Variants in UNC79 observed in about 807,000 individuals in gnomAD.
The protein encoded by UNC79 is protein unc-79 homolog.
UNC79 carries 37 observed loss-of-function variants against 283.1 expected under a neutral mutation model. The ratio of observed to expected loss-of-function variants is 0.13; its 90% CI spans 0.10 to 0.17. UNC79 has a LOEUF of 0.17. UNC79 is among the 10% of genes least tolerant of loss of function. UNC79 has a pLI of 1.00. For synonymous variants in UNC79, 1,107 were observed against 1,200.2 expected, an observed-to-expected ratio of 0.92 and a Z score of 1.61; for missense variants, 2,272 against 3,211.1, an observed-to-expected ratio of 0.71 and a Z score of 7.07.
intron 1 of UNC79, among the ~76,000 whole-genome samples, chr14:93,376,219 T>A (rs2054555481): frequency 6.6e-6 from 1 of 152,230 alleles, no homozygotes; most frequent in Admixed American, 6.5e-5. Flanking sequence ...CAACAATAGA[T>A]AACCAGAGGC....
intron 30 of UNC79, among the ~76,000 whole-genome samples, chr14:93,627,590 G>A (rs973695262): frequency 2.0e-5 from 3 of 152,134 alleles, no homozygotes; most frequent in African/African-American, 7.2e-5. Context: ...TGTTGCACAG[G>A]CACTTTCCAA....
chr14:93,682,522 A>G lies in UNC79; in HGVS notation c.6742-95A>G. ...CCAAGGCAGATCGTCATGAAAATAA[A>G]CACTAATTAATTTAAGCCAAGTTAA... On this transcript the variant is annotated intron_variant, in intron 41 of 48. Coordinates refer to ENST00000555664, the Ensembl canonical transcript of UNC79. 4 of 1,067,398 alleles carry G rather than the reference A, an allele frequency of 3.7e-6. No homozygotes were observed. The Middle Eastern group carries it at 6.2e-4, about 165-fold the overall frequency. The allele number at this position is 1,067,398 out of a possible 1,614,324, so 66.1% of individuals were successfully genotyped here.
intron 35 of UNC79, 69 bp from the exon 39 acceptor site, chr14:93,653,673 T>C (rs2070567881): frequency 7.1e-7 from 1 of 1,410,488 alleles, no homozygotes. Context: ...GTCTGAACTC[T>C]AAGTAAATAT....
intron 1 of UNC79, among the ~76,000 whole-genome samples, chr14:93,392,106 A>G (rs1009784781): frequency 1.3e-5 from 2 of 152,226 alleles, no homozygotes; most frequent in Admixed American, 6.5e-5. Flanking sequence ...ATATCCACAT[A>G]TGCAATGGGA....
chr14:93,453,915 A>G (rs1420675586), intron 1 of UNC79, among the ~76,000 whole-genome samples: 2 of 152,230 alleles, frequency 1.3e-5, no homozygotes, highest in African/African-American at 2.4e-5. Context: ...TGCAATAGAA[A>G]CTGGAACAGA....
chr14:93,634,696 G>C (rs2068358776), intron 31 of UNC79, 59 bp downstream of exon 34: 1 of 1,414,546 alleles, frequency 7.1e-7, no homozygotes, highest in African/African-American at 1.4e-5. Flanking sequence ...TACTTTCTCT[G>C]TGTCCACTCT....
intron 1 of UNC79, chr14:93,397,130 T>G (rs904857609): frequency 6.6e-6 from 1 of 152,132 alleles, no homozygotes; most frequent in Non-Finnish European, 1.5e-5. Context: ...TTATTTTTTA[T>G]TTTATTTTTA....
intron 40 of UNC79, among the ~76,000 whole-genome samples, chr14:93,666,328 T>C (rs144158345): frequency 6.6e-6 from 1 of 152,116 alleles, no homozygotes; most frequent in Non-Finnish European, 1.5e-5. Flanking sequence ...ACAATAAATA[T>C]AAGTTTACTA....
intron 1 of UNC79, among the ~76,000 whole-genome samples, chr14:93,349,530 A>G (rs1173852306): frequency 1.3e-5 from 2 of 151,960 alleles, no homozygotes; most frequent in Non-Finnish European, 2.9e-5. Flanking sequence ...CCCCTTCCCC[A>G]CTTAAGTTTT....
At chr14:93,407,677 A>G (rs933732195) in intron 1 of UNC79, among the ~76,000 whole-genome samples, 4 of 152,340 alleles carry the variant, frequency 2.6e-5, no homozygotes, top group Non-Finnish European at 5.9e-5. Context: ...GGGGAAAAAA[A>G]GGTAAGAAAC....
In UNC79 at chr14:93,430,869, GC is replaced by G. The variant is rs1473693682; in HGVS notation, c.-160del. ...GGGACCGAATTCTGCAATTTGATGT[GC>G]GTTTTGTCCGAATGGTAGCGACACG... On this transcript the variant is annotated 5_prime_UTR_variant, in exon 1 of 49. Coordinates refer to ENST00000555664, the Ensembl canonical transcript of UNC79. This position sits in a 1 kb window ranked among gnomAD's most constrained non-coding sequence, Gnocchi z 4.6. The G allele has an allele frequency of 7.6e-6, 4 of 525,166 alleles. No individual in the cohort carries two copies. The highest frequency in any genetic ancestry group is 1.4e-5 in the Non-Finnish European group (4 of 292,146). 32.5% of individuals were successfully genotyped at this position (525,166 alleles called of 1,614,324 possible). A position where few individuals can be genotyped will look rare whatever the true frequency, so the allele number is the denominator to read the frequency against.
chr14:93,487,734 A>G (rs1433926583), exon 5 of UNC79: 1 of 1,613,962 alleles, frequency 6.2e-7, no homozygotes, highest in Non-Finnish European at 8.5e-7. Context: ...AATGATTGCA[A>G]TGCAGTACAC....
chr14:93,511,771 C>T (rs2059838181), intron 7 of UNC79, among the ~76,000 whole-genome samples: 1 of 152,094 alleles, frequency 6.6e-6, no homozygotes, highest in East Asian at 1.9e-4. Flanking sequence ...CAAATGCTTA[C>T]ATAAACTAAA....
In UNC79 at chr14:93,483,126, T is replaced by C. The variant is rs188133783; in HGVS notation, c.620-4537T>C. On this transcript the variant is annotated intron_variant, in intron 4 of 48. Transcript: ENST00000555664. ...TGATTATTTGCTTCCTTACATTCTT[T>C]AGGTTCAAGCTCAAGTACATCTTTC... Among the ~76,000 whole-genome samples the C allele has an allele frequency of 1.5e-4, 23 of 152,324 alleles. No individual in the cohort carries two copies. In the East Asian group the frequency reaches 4.1e-3, roughly 27 times the overall value.
chr14:93,704,861 T>A (rs1003177161), intron 48 of UNC79, among the ~76,000 whole-genome samples, 195 bp downstream of exon 51: 5 of 152,098 alleles, frequency 3.3e-5, no homozygotes, highest in Non-Finnish European at 5.9e-5. Flanking sequence ...CAGGAACCAT[T>A]GTCCTACTGC....
At chr14:93,349,618 A>G (rs963979135) in intron 1 of UNC79, among the ~76,000 whole-genome samples, 3 of 152,150 alleles carry the variant, frequency 2.0e-5, no homozygotes, top group African/African-American at 4.8e-5. Context: ...TTGACCTTCT[A>G]GGTGCGTGAG....
intron 1 of UNC79, among the ~76,000 whole-genome samples, chr14:93,422,705 G>A (rs2055626258): frequency 6.6e-6 from 1 of 152,004 alleles, no homozygotes; most frequent in Admixed American, 6.6e-5. Context: ...TAAAGTTGCT[G>A]GATATAAAAT....
chr14:93,393,518 G>C lies in UNC79; in HGVS notation c.-351+59995G>C, dbSNP rs149389787. ...TTTTCAAAATTTTTAGCTGTCAAGA[G>C]AAATTTAGAAATAAAGACATTAAAG... On this transcript the variant is annotated intron_variant, in intron 1 of 49. Transcript: ENST00000256339. Among the ~76,000 whole-genome samples, 755 of 152,222 alleles carry C rather than the reference G, an allele frequency of 5.0e-3. 8 individuals are homozygous for C. Among genetic ancestry groups the C allele is most frequent in the African/African-American group, 0.017 (705 of 41,550 alleles).
intron 14 of UNC79, among the ~76,000 whole-genome samples, chr14:93,547,397 C>T (rs1050059966): frequency 6.1e-5 from 3 of 48,976 alleles, no homozygotes; most frequent in Non-Finnish European, 9.1e-5. Flanking sequence ...TTCAAGCGTC[C>T]CTCTGGGAAA....
Sources: gnomAD v4.1 joint callset for allele counts (sites outside exome capture counted in the v4.1 genomes callset) on GRCh38, gnomAD v4.1.1 for gene constraint, Gnocchi (gnomAD v3.1) non-coding constraint, MANE v1.5 for transcripts, NCBI Gene and HGNC (gene_info 2026-07-23, HGNC 2026-07-21) for gene names.